Variants in MAST1 observed in about 807,000 individuals in gnomAD.
The protein encoded by MAST1 is microtubule-associated serine/threonine-protein kinase 1.
Under a neutral mutation model 124.6 loss-of-function variants are expected in MAST1, and 40 were observed. The ratio of observed to expected loss-of-function variants is 0.32; its 90% CI spans 0.25 to 0.42. MAST1 has a LOEUF of 0.42. Among genes scored for constraint, MAST1 ranks in the 10% least tolerant of loss-of-function variants. MAST1 has a pLI of 1.00. For synonymous variants in MAST1, 938 were observed against 939.4 expected (o/e 1.00, Z 0.03); for missense variants, 1,558 against 2,181.9 (o/e 0.71, Z 5.70).
At position 12,847,194 on chromosome 19, in the gene MAST1, C is replaced by T. The variant is rs922363442; in HGVS notation, c.328-96C>T. On this transcript the variant is annotated intron_variant, in intron 4 of 25. Transcript: ENST00000251472. This position sits in a 1 kb window ranked among gnomAD's most constrained non-coding sequence, Gnocchi z 5.5. ...AATCAGGTCCTGATCCTGGCCTTGC[C>T]CAGTGACCCCATCGGCTTTGGGAGT... is the stretch of plus-strand genomic sequence containing the variant. 2 of 773,006 alleles carry T rather than the reference C, an allele frequency of 2.6e-6. No individual in the cohort carries two copies. The highest frequency in any genetic ancestry group is 2.2e-6 in the Non-Finnish European group (1 of 462,874). The allele number at this position is 773,006 out of a possible 1,614,324, so 47.9% of individuals were successfully genotyped here. A position where few individuals can be genotyped will look rare whatever the true frequency, so the allele number is the denominator to read the frequency against.
rs768142982 is a variant in MAST1 at position 12,865,188 on chromosome 19, C to A, written c.1638+10C>A. ...GTTCCTGGACAAACAGGTGTGTGTG[C>A]GGGCATGGGGGTCGCTGAGGGTGGA... On this transcript the variant is annotated intron_variant, in intron 14 of 25. Coordinates refer to ENST00000251472, the MANE Select transcript of MAST1 (RefSeq NM_014975.3). The surrounding 1 kb of genome is among the most constrained non-coding windows in gnomAD (Gnocchi z 7.1). 8.1e-6 allele frequency: 13 copies of A among 1,612,580 alleles called. No homozygotes were observed. Among genetic ancestry groups the A allele is most frequent in the Non-Finnish European group, 1.1e-5 (13 of 1,179,224 alleles).
At chr19:12,849,355 C>T (rs1969933845) in intron 7 of MAST1, among the ~76,000 whole-genome samples, 1 of 152,068 alleles carries the variant, frequency 6.6e-6, no homozygotes, top group Admixed American at 6.6e-5. Context: ...AGCAGGACCC[C>T]ATCTCTAAAA....
intron 11 of MAST1, 38 bp from the exon 12 acceptor site, chr19:12,858,493 C>T (rs1471495330): frequency 9.3e-6 from 15 of 1,611,942 alleles, no homozygotes; most frequent in East Asian, 2.2e-5. Flanking sequence ...CCGGGTGTCT[C>T]GGAGGTGACG....
Position 12,843,462 on chromosome 19 carries a change from C to A in MAST1, c.249-67C>A. The A allele has an allele frequency of 7.5e-7, 1 of 1,331,412 alleles. No homozygotes were observed. The highest frequency in any genetic ancestry group is 1.1e-6 in the Non-Finnish European group (1 of 933,818). 82.5% of individuals were successfully genotyped at this position (1,331,412 alleles called of 1,614,324 possible). On this transcript the variant is annotated intron_variant, in intron 3 of 25. Transcript: ENST00000251472. The surrounding 1 kb of genome is among the most constrained non-coding windows in gnomAD (Gnocchi z 4.9). ...CCCTGGCCCTGGCCAGTGGCTTCAC[C>A]CACACCCTGAGGAGTTGGGGGACCG...
intron 1 of MAST1, among the ~76,000 whole-genome samples, 188 bp from the exon 2 acceptor site, chr19:12,840,258 A>G (rs1448548647): frequency 6.6e-6 from 1 of 152,228 alleles, no homozygotes; most frequent in Non-Finnish European, 1.5e-5. Context: ...TGTCATATGC[A>G]CATCCCCTGC....
Position 12,858,555 on chromosome 19 carries a change from C to T in MAST1, c.1182C>T (p.Arg394=), listed in dbSNP as rs778656447. The part of the protein sequence containing the change: ...AYGAVYLVRH[R]DTRQRFAMKK... ...GCGCTGTCTACCTGGTGCGGCACCG[C>T]GACACGCGGCAGCGCTTTGCCATGA... Residue 394 remains arginine (R), a synonymous_variant, in exon 12 of 26, where the codon CGC becomes CGT. Transcript: ENST00000251472. The T allele has an allele frequency of 2.9e-5, 47 of 1,614,112 alleles. No homozygotes were observed. Among genetic ancestry groups the T allele is most frequent in the Non-Finnish European group, 3.6e-5 (43 of 1,180,048 alleles).
chr19:12,845,521 T>C (rs1599577333), intron 4 of MAST1, among the ~76,000 whole-genome samples: 1 of 144,978 alleles, frequency 6.9e-6, no homozygotes, highest in African/African-American at 2.6e-5. Context: ...GAGGTGGGGG[T>C]TGCAGTGAGT....
Position 12,847,760 on chromosome 19 carries a change from C to A in MAST1, c.564+73C>A, listed in dbSNP as rs1332412995. ...TCTCGCTCGCCTTATCCCCGCGCGC[C>A]CCCTGGCGGCCTCGGTGCGCAGCGC... On this transcript the variant is annotated intron_variant, in intron 6 of 25. Transcript: ENST00000251472. This position sits in a 1 kb window ranked among gnomAD's most constrained non-coding sequence, Gnocchi z 5.5. 1.3e-6 allele frequency: 2 copies of A among 1,585,836 alleles called. No homozygotes were observed. The highest frequency in any genetic ancestry group is 1.7e-5 in the Admixed American group (1 of 57,574).
intron 12 of MAST1, among the ~76,000 whole-genome samples, chr19:12,863,433 A>G (rs1970110835): frequency 6.6e-6 from 1 of 152,204 alleles, no homozygotes; most frequent in Admixed American, 6.5e-5. Flanking sequence ...AACAGAAAAA[A>G]GAAAGAAATC....
chr19:12,843,838 C>T lies in MAST1; in HGVS notation c.327+231C>T, dbSNP rs183663236. On this transcript the variant is annotated intron_variant, in intron 4 of 25. Transcript: ENST00000251472. This position sits in a 1 kb window ranked among gnomAD's most constrained non-coding sequence, Gnocchi z 4.9. ...CAACATAGGGAGACCCTTGTCCCTA[C>T]AAAAAATTAAAAATTATCTGGGCGT... Among the ~76,000 whole-genome samples, 69 of 152,102 alleles carry T rather than the reference C, an allele frequency of 4.5e-4. No homozygotes were observed. Among genetic ancestry groups the T allele is most frequent in the Non-Finnish European group, 8.7e-4 (59 of 67,960 alleles).
At position 12,847,943 on chromosome 19, in the gene MAST1, C is replaced by A; in HGVS notation, c.660C>A (p.Ile220=). The A allele has an allele frequency of 1.2e-6, 2 of 1,614,112 alleles. No homozygotes were observed. The highest frequency in any genetic ancestry group is 1.7e-6 in the Non-Finnish European group (2 of 1,179,986). ...TGGCCGATGGCGTGCTCAGCTTCAT[C>A]CACCACCAGATCATCGAGCTGGCCC... The part of the protein sequence containing the change: ...LPLADGVLSF[I]HHQIIELARD... Residue 220 remains isoleucine, a synonymous_variant, in exon 7 of 26, where the codon ATC becomes ATA. Transcript: ENST00000251472. This position sits in a 1 kb window ranked among gnomAD's most constrained non-coding sequence, Gnocchi z 5.5.
chr19:12,839,561 T>C (rs1323839101), intron 1 of MAST1, among the ~76,000 whole-genome samples: 3 of 152,202 alleles, frequency 2.0e-5, no homozygotes, highest in African/African-American at 7.2e-5. Context: ...TGTTATCACA[T>C]TGCAAGACTC....
intron 1 of MAST1, among the ~76,000 whole-genome samples, chr19:12,839,886 C>T (rs963475940): frequency 6.6e-6 from 1 of 151,902 alleles, no homozygotes; most frequent in Admixed American, 6.6e-5. Context: ...TCCAGCCGGG[C>T]GACAGAGCGA....
chr19:12,843,454 G>A lies in MAST1; in HGVS notation c.249-75G>A. The stretch of plus-strand genomic sequence containing the variant: ...AACCCCCACCCTGGCCCTGGCCAGT[G>A]GCTTCACCCACACCCTGAGGAGTTG... On this transcript the variant is annotated intron_variant, in intron 3 of 25. Coordinates refer to ENST00000251472, the MANE Select transcript of MAST1 (RefSeq NM_014975.3). The surrounding 1 kb of genome is among the most constrained non-coding windows in gnomAD (Gnocchi z 4.9). The A allele has an allele frequency of 8.4e-7, 1 of 1,193,520 alleles. No individual in the cohort carries two copies. Among genetic ancestry groups the A allele is most frequent in the Non-Finnish European group, 1.2e-6 (1 of 813,824 alleles). 73.9% of individuals were successfully genotyped at this position (1,193,520 alleles called of 1,614,324 possible).
At position 12,865,378 on chromosome 19, in the gene MAST1, AGTGGACTG is replaced by A; in HGVS notation, c.1706_1713del (p.Asp569GlyfsTer31). The A allele has an allele frequency of 6.2e-7, 1 of 1,612,270 alleles. No individual in the cohort carries two copies. Among genetic ancestry groups the A allele is most frequent in the Non-Finnish European group, 8.5e-7 (1 of 1,179,096 alleles). ...TCCTGCGTCAAGGCTACGGCAAGCC[AGTGGACTG>A]GTGGGCTATGGGGATCATCCTCTAC... On this transcript the variant is annotated frameshift_variant, in exon 15 of 26. Transcript: ENST00000251472. LOFTEE classifies it high-confidence loss of function. The surrounding 1 kb of genome is among the most constrained non-coding windows in gnomAD (Gnocchi z 7.1).
intron 2 of MAST1, 121 bp from the exon 3 acceptor site, chr19:12,840,870 C>G: frequency 1.3e-6 from 1 of 761,952 alleles, no homozygotes; most frequent in Non-Finnish European, 2.4e-6. Flanking sequence ...GGGCCACAGG[C>G]GAAGGGGCGT....
intron 12 of MAST1, among the ~76,000 whole-genome samples, chr19:12,860,772 G>A (rs1207536944): frequency 1.3e-5 from 2 of 151,944 alleles, no homozygotes; most frequent in East Asian, 3.9e-4. Context: ...ATCCATCCGT[G>A]CATGTATTCA....
intron 22 of MAST1, among the ~76,000 whole-genome samples, chr19:12,870,065 C>CA (rs1452949538): frequency 6.7e-6 from 1 of 149,922 alleles, no homozygotes; most frequent in African/African-American, 2.5e-5. Flanking sequence ...CCTGTAGTCC[C>CA]AGCTACTTGG....
chr19:12,853,194 C>T (rs2145896339), intron 10 of MAST1, among the ~76,000 whole-genome samples: 1 of 151,836 alleles, frequency 6.6e-6, no homozygotes, highest in East Asian at 2.0e-4. Flanking sequence ...TGGTTGCAAA[C>T]TCCCAATCTC....
Sources: allele counts gnomAD v4.1 joint callset (sites outside exome capture counted in the v4.1 genomes callset), GRCh38; gene constraint gnomAD v4.1.1; non-coding constraint Gnocchi (gnomAD v3.1); transcripts MANE v1.5; gene names NCBI Gene and HGNC (gene_info 2026-07-23, HGNC 2026-07-21).